Variants in EPB41 observed in about 807,000 individuals in gnomAD.
EPB41 encodes the protein erythrocyte membrane protein band 4.1, also known as protein 4.1.
A neutral mutation model predicts 108.0 loss-of-function variants in EPB41; 65 were observed. The ratio of observed to expected loss-of-function variants is 0.60; its 90% CI spans 0.49 to 0.74. EPB41 has a LOEUF of 0.74. Ranked by LOEUF, EPB41 falls within the 30% of genes least tolerant of loss-of-function variation. The pLI is 0.00. For synonymous variants in EPB41, 336 were observed against 358.9 expected, an observed-to-expected ratio of 0.94 and a Z score of 0.72; for missense variants, 875 against 1,037.0, an observed-to-expected ratio of 0.84 and a Z score of 2.15.
In EPB41 at chr1:28,917,545, C is replaced by T. The variant is rs562010527; in HGVS notation, c.-8+2777C>T. 3.3e-5 allele frequency among the ~76,000 whole-genome samples: 5 copies of T among 152,194 alleles called. No individual in the cohort carries two copies. The East Asian group carries it at 9.7e-4, about 29-fold the overall frequency. ...CCACCCGCCTCGGCCTTCCAAAGTG[C>T]TGGGATTACAGGCATGAGCCACCGT... is the stretch of plus-strand genomic sequence containing the variant. On this transcript the variant is annotated intron_variant, in intron 1 of 20. Coordinates refer to ENST00000343067, the MANE Select transcript of EPB41 (RefSeq NM_001376013.1).
chr1:29,107,899 C>T (rs1408706994), intron 17 of EPB41, among the ~76,000 whole-genome samples: 3 of 144,640 alleles, frequency 2.1e-5, no homozygotes, highest in Non-Finnish European at 3.0e-5. Flanking sequence ...CGTGGTGGCG[C>T]GTGCCTATAT....
rs1481057979 is a variant in EPB41 at position 28,989,305 on chromosome 1, A to ACATTAGT, written c.468+1401_468+1407dup. On this transcript the variant is annotated intron_variant, in intron 2 of 20. Coordinates refer to ENST00000343067, the MANE Select transcript of EPB41 (RefSeq NM_001376013.1). ...TTTATTTGTCCCAAAAAATGGGAAA[A>ACATTAGT]CATTAGTACTGTAACTCAGACTATT... 1.3e-5 allele frequency: 10 copies of ACATTAGT among 765,878 alleles called. No homozygotes were observed. The Admixed American group carries it at 6.3e-4, about 48-fold the overall frequency. The allele number at this position is 765,878 out of a possible 1,614,324, so 47.4% of individuals were successfully genotyped here. A position where few individuals can be genotyped will look rare whatever the true frequency, so the allele number is the denominator to read the frequency against.
intron 4 of EPB41, among the ~76,000 whole-genome samples, chr1:28,997,562 G>A (rs1363222856): frequency 6.6e-6 from 1 of 152,074 alleles, no homozygotes; most frequent in Non-Finnish European, 1.5e-5. Context: ...TACAAGGCAA[G>A]GAAAATAAAG....
At chr1:28,901,798 T>C (rs1020038549) in intron 1 of EPB41, among the ~76,000 whole-genome samples, 6 of 152,278 alleles carry the variant, frequency 3.9e-5, no homozygotes, top group African/African-American at 1.4e-4. Flanking sequence ...CCTCCCAAAG[T>C]ACTAGAATTA....
intron 16 of EPB41, among the ~76,000 whole-genome samples, chr1:29,089,515 A>T (rs1660433798): frequency 6.6e-6 from 1 of 152,216 alleles, no homozygotes; most frequent in Non-Finnish European, 1.5e-5. Flanking sequence ...GCCAGTGATG[A>T]CAGGGTACAA....
intron 18 of EPB41, among the ~76,000 whole-genome samples, chr1:29,110,442 C>T (rs78029157): frequency 6.6e-6 from 1 of 152,206 alleles, no homozygotes; most frequent in African/African-American, 2.4e-5. Context: ...AAAATCAGAA[C>T]TCTGGGTCTG....
chr1:28,935,467 A>ACACACACACACACACACACACC (rs1294457517), intron 1 of EPB41, among the ~76,000 whole-genome samples: 1 of 64,216 alleles, frequency 1.6e-5, no homozygotes, highest in Non-Finnish European at 3.2e-5. Context: ...ACACACACAC[A>ACACACACACACACACACACACC]CCCCCCCCCC....
chr1:28,997,615 CTT>C (rs1205915446), intron 4 of EPB41, among the ~76,000 whole-genome samples: 3 of 152,128 alleles, frequency 2.0e-5, no homozygotes, highest in East Asian at 1.9e-4. Context: ...ATGTCAATAA[CTT>C]AATATATTAT....
intron 1 of EPB41, chr1:28,982,545 T>C: frequency 7.3e-7 from 1 of 1,363,118 alleles, no homozygotes; most frequent in South Asian, 1.2e-5. Context: ...CGATGACGGC[T>C]TTGCATCCAG....
intron 1 of EPB41, among the ~76,000 whole-genome samples, chr1:28,922,532 A>G (rs1238513093): frequency 6.6e-6 from 1 of 151,728 alleles, no homozygotes; most frequent in Non-Finnish European, 1.5e-5. Context: ...TCCCGGGCAC[A>G]AGCAGTCCTC....
At chr1:28,932,861 T>C (rs925347649) in intron 1 of EPB41, among the ~76,000 whole-genome samples, 1 of 152,182 alleles carries the variant, frequency 6.6e-6, no homozygotes, top group African/African-American at 2.4e-5. Flanking sequence ...GTCAAGGGTT[T>C]ACAAGTAGAA....
intron 1 of EPB41, chr1:28,893,987 A>G (rs554872453): frequency 6.6e-6 from 1 of 152,240 alleles, no homozygotes; most frequent in Non-Finnish European, 1.5e-5. Flanking sequence ...GGATCCTACC[A>G]TAAGCAGGGC....
At chr1:28,979,347 T>G (rs1459958389) in intron 1 of EPB41, among the ~76,000 whole-genome samples, 1 of 151,492 alleles carries the variant, frequency 6.6e-6, no homozygotes. Context: ...GCGGTGAGTG[T>G]TTTGAAGACC....
At chr1:29,035,122 C>G (rs1195192824) in intron 9 of EPB41, among the ~76,000 whole-genome samples, 1 of 151,770 alleles carries the variant, frequency 6.6e-6, no homozygotes, top group African/African-American at 2.4e-5. Context: ...GCTGGAATTA[C>G]AGGCGCGTGC....
intron 16 of EPB41, among the ~76,000 whole-genome samples, chr1:29,091,638 C>G (rs886810773): frequency 1.3e-5 from 2 of 151,974 alleles, no homozygotes; most frequent in Admixed American, 6.6e-5. Flanking sequence ...TCTTCAGAAC[C>G]CTATAAGTCA....
rs1401460485 is a variant in EPB41 at position 28,908,709 on chromosome 1, C to T, written c.-8+21499C>T. 7.3e-5 allele frequency among the ~76,000 whole-genome samples: 11 copies of T among 150,926 alleles called. No homozygotes were observed. In the South Asian group the frequency reaches 1.9e-3, roughly 26 times the overall value. ...CCTCCCAAAGTGCTGGGATTACAGG[C>T]GTGAGCCACTGTGCCCGGCCCAAGT... is the stretch of plus-strand genomic sequence containing the variant. On this transcript the variant is annotated intron_variant, in intron 1 of 16. Coordinates refer to the EPB41 transcript ENST00000347529.
intron 4 of EPB41, among the ~76,000 whole-genome samples, chr1:29,002,091 T>A (rs1448937734): frequency 1.3e-5 from 2 of 152,176 alleles, no homozygotes; most frequent in Non-Finnish European, 2.9e-5. Flanking sequence ...AATGAGATAA[T>A]CTGTATGAAA....
At chr1:28,945,436 A>G (rs1028367408) in intron 1 of EPB41, among the ~76,000 whole-genome samples, 1 of 152,174 alleles carries the variant, frequency 6.6e-6, no homozygotes, top group African/African-American at 2.4e-5. Flanking sequence ...AATAATAACT[A>G]CTTGGTATCT....
intron 9 of EPB41, among the ~76,000 whole-genome samples, chr1:29,034,121 A>G (rs766578931): frequency 9.8e-5 from 15 of 152,360 alleles, no homozygotes; most frequent in South Asian, 6.2e-4. Flanking sequence ...AGGGATTACC[A>G]TAGAAGCATT....
Sources: gnomAD v4.1 joint callset for allele counts (sites outside exome capture counted in the v4.1 genomes callset) on GRCh38, gnomAD v4.1.1 for gene constraint, MANE v1.5 for transcripts, NCBI Gene and HGNC (gene_info 2026-07-23, HGNC 2026-07-21) for gene names.